Variants in SLCO3A1 observed in about 807,000 individuals in gnomAD.
The protein encoded by SLCO3A1 is PGE1 transporter.
Under a neutral mutation model 63.1 loss-of-function variants are expected in SLCO3A1, and 27 were observed. The observed-to-expected ratio is 0.43, with a 90% confidence interval of 0.32 to 0.59. The LOEUF is 0.59. Ranked by LOEUF, SLCO3A1 falls within the 20% of genes least tolerant of loss-of-function variation. SLCO3A1 has a pLI of 0.09. For missense variants in SLCO3A1, 773 were observed against 945.8 expected, an observed-to-expected ratio of 0.82 and a Z score of 2.40; for synonymous variants, 473 against 409.9, an observed-to-expected ratio of 1.15 and a Z score of -1.86.
chr15:92,114,569 C>T lies in SLCO3A1; in HGVS notation c.1010-5896C>T, dbSNP rs74030490. Reference sequence around the variant, plus strand: ...ACCGTTTCTCCTAGGGGTCACCCCACCTTGGATTCACACCCATGCTTCCGT... The same window carrying T: ...ACCGTTTCTCCTAGGGGTCACCCCATCTTGGATTCACACCCATGCTTCCGT... On this transcript the variant is annotated intron_variant, in intron 4 of 9. Coordinates refer to ENST00000318445, the MANE Select transcript of SLCO3A1 (RefSeq NM_013272.4). Among the ~76,000 whole-genome samples the T allele has an allele frequency of 3.3e-3, 502 of 152,250 alleles. 2 individuals are homozygous for T. Among genetic ancestry groups the T allele is most frequent in the African/African-American group, 0.012 (479 of 41,566 alleles).
intron 5 of SLCO3A1, among the ~76,000 whole-genome samples, chr15:92,123,599 A>G (rs2047888632): frequency 1.3e-5 from 2 of 152,152 alleles, no homozygotes; most frequent in African/African-American, 4.8e-5. Flanking sequence ...AAATGCAGTC[A>G]GCCCTTTAAT....
intron 2 of SLCO3A1, among the ~76,000 whole-genome samples, chr15:92,051,161 A>G (rs1380539010): frequency 6.6e-6 from 1 of 152,234 alleles, no homozygotes; most frequent in Non-Finnish European, 1.5e-5. Context: ...TAAGTAAGGC[A>G]TATAGTATGC....
At chr15:92,073,481 C>T (rs1331767333) in intron 2 of SLCO3A1, among the ~76,000 whole-genome samples, 1 of 152,192 alleles carries the variant, frequency 6.6e-6, no homozygotes, top group African/African-American at 2.4e-5. Context: ...TTCATCTTTT[C>T]CTTTGGCAGA....
intron 9 of SLCO3A1, among the ~76,000 whole-genome samples, chr15:92,154,489 A>C (rs1368384829): frequency 6.6e-6 from 1 of 152,172 alleles, no homozygotes; most frequent in African/African-American, 2.4e-5. Context: ...AAGTAGGTGG[A>C]TGTGGCCAGT....
chr15:92,139,223 A>G (rs1171987712), intron 7 of SLCO3A1, among the ~76,000 whole-genome samples: 4 of 148,168 alleles, frequency 2.7e-5, no homozygotes, highest in Non-Finnish European at 6.0e-5. Flanking sequence ...TTCTGCATCT[A>G]TTGAGATAAT....
intron 2 of SLCO3A1, among the ~76,000 whole-genome samples, chr15:91,978,961 G>A (rs993022180): frequency 6.6e-6 from 1 of 152,172 alleles, no homozygotes; most frequent in Admixed American, 6.6e-5. Context: ...ATTTTGGCCT[G>A]TGTTCTGGCA....
At chr15:91,915,593 C>T (rs1300197871) in intron 1 of SLCO3A1, among the ~76,000 whole-genome samples, 1 of 152,130 alleles carries the variant, frequency 6.6e-6, no homozygotes. Flanking sequence ...CTGGCATGGA[C>T]TTTATCCCTA....
intron 2 of SLCO3A1, among the ~76,000 whole-genome samples, chr15:91,927,655 A>G (rs775634494): frequency 3.9e-4 from 59 of 152,066 alleles, no homozygotes; most frequent in Non-Finnish European, 2.5e-4. Context: ...TTCTCTCTGT[A>G]ATGTTCCAAG....
chr15:92,008,474 G>A (rs2046336027), intron 2 of SLCO3A1, among the ~76,000 whole-genome samples: 1 of 152,166 alleles, frequency 6.6e-6, no homozygotes. Flanking sequence ...TAGCTGAGTT[G>A]CACATTCAAT....
At chr15:91,903,506 G>A (rs1567178152) in intron 1 of SLCO3A1, among the ~76,000 whole-genome samples, 2 of 152,182 alleles carry the variant, frequency 1.3e-5, no homozygotes, top group African/African-American at 4.8e-5. Flanking sequence ...AGTGGTTGTG[G>A]GGGAGCTGTG....
Position 92,124,146 on chromosome 15 carries a change from C to T in SLCO3A1, c.1175-1915C>T, listed in dbSNP as rs1213414066. ...GCACTGGCCCCCCTTCCACCCCTTG[C>T]AAAGTCATCAGCAAATGGGGCAGAG... On this transcript the variant is annotated intron_variant, in intron 5 of 9. Coordinates refer to ENST00000318445, the MANE Select transcript of SLCO3A1 (RefSeq NM_013272.4). Among the ~76,000 whole-genome samples, 7 of 152,244 alleles carry T rather than the reference C, an allele frequency of 4.6e-5. 1 individual carries two copies. Among genetic ancestry groups the T allele is most frequent in the East Asian group, 1.9e-4 (1 of 5,180 alleles).
chr15:92,125,582 G>A (rs752962894), intron 5 of SLCO3A1, among the ~76,000 whole-genome samples: 17 of 151,980 alleles, frequency 1.1e-4, no homozygotes, highest in African/African-American at 1.7e-4. Flanking sequence ...AACAGCCTCC[G>A]TACTTTCCGT....
At chr15:91,994,293 C>A (rs2046163511) in intron 2 of SLCO3A1, among the ~76,000 whole-genome samples, 1 of 152,008 alleles carries the variant, frequency 6.6e-6, no homozygotes, top group African/African-American at 2.4e-5. Flanking sequence ...GAAACTGAGG[C>A]CCAGAGATTA....
chr15:92,081,478 TC>T (rs2047345836), intron 2 of SLCO3A1, among the ~76,000 whole-genome samples: 1 of 152,220 alleles, frequency 6.6e-6, no homozygotes, highest in East Asian at 1.9e-4. Flanking sequence ...CAGGCAATTC[TC>T]CCTGCTTCAG....
intron 7 of SLCO3A1, among the ~76,000 whole-genome samples, chr15:92,129,419 C>T (rs890767205): frequency 2.6e-5 from 4 of 152,188 alleles, no homozygotes; most frequent in Non-Finnish European, 4.4e-5. Context: ...TCCTACTCAC[C>T]GGTCAGTAGC....
intron 2 of SLCO3A1, among the ~76,000 whole-genome samples, chr15:92,038,339 T>C (rs1223408593): frequency 1.3e-5 from 2 of 152,096 alleles, no homozygotes; most frequent in Non-Finnish European, 2.9e-5. Flanking sequence ...AAAAAGTGAT[T>C]TTCAAAAAGG....
chr15:91,871,067 G>C (rs554375804), intron 1 of SLCO3A1, among the ~76,000 whole-genome samples: 1 of 152,118 alleles, frequency 6.6e-6, no homozygotes, highest in African/African-American at 2.4e-5. Context: ...TGTGTTTAAA[G>C]ATAACCATGC....
intron 7 of SLCO3A1, among the ~76,000 whole-genome samples, chr15:92,142,964 A>G (rs1448032030): frequency 6.6e-6 from 1 of 152,042 alleles, no homozygotes; most frequent in African/African-American, 2.4e-5. Context: ...AACCAAAGAA[A>G]GCTCACCGAT....
rs1374022297 is a variant in SLCO3A1 at position 91,897,824 on chromosome 15, G to A, written c.181-18169G>A. ...ATTTTCTGACCTGCTCAGGCATCCT[G>A]CAATGGATGACATGTGAGCATGAGG... On this transcript the variant is annotated intron_variant, in intron 1 of 9. Transcript: ENST00000318445. The surrounding 1 kb of genome is among the most constrained non-coding windows in gnomAD (Gnocchi z 4.7). Among the ~76,000 whole-genome samples, 1 of 152,208 alleles carries A rather than the reference G, an allele frequency of 6.6e-6. No individual in the cohort carries two copies. Among genetic ancestry groups the A allele is most frequent in the African/African-American group, 2.4e-5 (1 of 41,458 alleles).
Sources: gnomAD v4.1 joint callset for allele counts (sites outside exome capture counted in the v4.1 genomes callset) on GRCh38, gnomAD v4.1.1 for gene constraint, Gnocchi (gnomAD v3.1) non-coding constraint, MANE v1.5 for transcripts, NCBI Gene and HGNC (gene_info 2026-07-23, HGNC 2026-07-21) for gene names.